WWC1: variants seen among roughly 807,000 people sequenced by gnomAD.
The protein encoded by WWC1 is protein KIBRA.
WWC1 carries 55 observed loss-of-function variants against 138.4 expected under a neutral mutation model. That is an observed-to-expected ratio of 0.40 (90% CI 0.32 to 0.50). The LOEUF (loss-of-function observed/expected upper bound fraction) is 0.50, where lower values mean the gene tolerates loss of function less well. Among genes scored for constraint, WWC1 ranks in the 20% least tolerant of loss-of-function variants. WWC1 has a pLI of 0.72. For synonymous variants in WWC1, 524 were observed against 564.9 expected (o/e 0.93, Z 1.03); for missense variants, 1,226 against 1,420.4 (o/e 0.86, Z 2.20).
At chr5:168,465,366 C>G (rs1408381940) in intron 21 of WWC1, among the ~76,000 whole-genome samples, 2 of 151,700 alleles carry the variant, frequency 1.3e-5, no homozygotes, top group Non-Finnish European at 2.9e-5. Flanking sequence ...ACAGGGCAGC[C>G]CTTGCCAAAG....
chr5:168,427,034 G>T (rs553784474), intron 11 of WWC1, among the ~76,000 whole-genome samples: 1 of 152,334 alleles, frequency 6.6e-6, no homozygotes, highest in Non-Finnish European at 1.5e-5. Context: ...CCCTGTTAAG[G>T]TTAGGGAAGA....
intron 22 of WWC1, among the ~76,000 whole-genome samples, chr5:168,468,613 A>G (rs1305504515): frequency 6.6e-6 from 1 of 152,238 alleles, no homozygotes; most frequent in African/African-American, 2.4e-5. Context: ...AACAAACATT[A>G]GAAGTGGCCC....
At chr5:168,321,763 C>T (rs1030842536) in intron 1 of WWC1, among the ~76,000 whole-genome samples, 1 of 152,176 alleles carries the variant, frequency 6.6e-6, no homozygotes, top group Non-Finnish European at 1.5e-5. Context: ...TCTCAAACTC[C>T]CGACCTCAGG....
Position 168,464,933 on chromosome 5 carries a change from C to T in WWC1, c.3121C>T (p.Arg1041Cys), listed in dbSNP as rs751965655. The T allele has an allele frequency of 1.6e-5, 26 of 1,613,956 alleles. No individual in the cohort carries two copies. Among genetic ancestry groups the T allele is most frequent in the Admixed American group, 6.7e-5 (4 of 60,004 alleles). ...PQWLREDERFRLLLRMLEKRQ... is the reference protein window; with the variant it reads ...PQWLREDERFCLLLRMLEKRQ... ...GTGGTTGCGTGAGGACGAGCGTTTC[C>T]GCCTGCTGCTGAGGATGCTGGAGAA... Residue 1041 changes from arginine to cysteine, a missense_variant, in exon 21 of 23, where the codon CGC (arginine) becomes TGC (cysteine). Physicochemically the swap from Arg to Cys is radical, Grantham distance 180. Coordinates refer to ENST00000265293, the MANE Select transcript of WWC1 (RefSeq NM_015238.3).
At chr5:168,325,503 T>C (rs1772457738) in intron 1 of WWC1, among the ~76,000 whole-genome samples, 1 of 152,082 alleles carries the variant, frequency 6.6e-6, no homozygotes, top group African/African-American at 2.4e-5. Flanking sequence ...GGGAGGGGAA[T>C]TTTTAAGCAA....
At chr5:168,408,770 G>A in intron 7 of WWC1, 117 bp downstream of exon 7, 1 of 1,408,674 alleles carries the variant, frequency 7.1e-7, no homozygotes, top group African/African-American at 1.4e-5. Flanking sequence ...GTTCTCTGCA[G>A]GGCTGGCTGC....
At chr5:168,325,402 G>A (rs1466089818) in intron 1 of WWC1, among the ~76,000 whole-genome samples, 1 of 152,200 alleles carries the variant, frequency 6.6e-6, no homozygotes, top group Non-Finnish European at 1.5e-5. Flanking sequence ...GGTGTCCTAG[G>A]ACACAGGAGA....
At chr5:168,453,931 CT>C (rs1582360922) in intron 17 of WWC1, 36 bp from the exon 18 acceptor site, 7 of 1,610,152 alleles carry the variant, frequency 4.3e-6, no homozygotes, top group Non-Finnish European at 5.9e-6. Context: ...GGCAGAGCGG[CT>C]TCTGGGTGGG....
chr5:168,440,910 CAACAG>C, intron 15 of WWC1, among the ~76,000 whole-genome samples: 1 of 152,174 alleles, frequency 6.6e-6, no homozygotes, highest in East Asian at 1.9e-4. Context: ...AAATGTCCAT[CAACAG>C]ATGGCTGGAT....
At chr5:168,354,347 G>A (rs1490297148) in intron 1 of WWC1, among the ~76,000 whole-genome samples, 7 of 151,896 alleles carry the variant, frequency 4.6e-5, no homozygotes, top group South Asian at 2.1e-4. Flanking sequence ...CACCGCACCC[G>A]GCCTGAGTGC....
chr5:168,376,426 C>T (rs1777172422), intron 2 of WWC1, among the ~76,000 whole-genome samples: 1 of 152,042 alleles, frequency 6.6e-6, no homozygotes, highest in Non-Finnish European at 1.5e-5. Context: ...AAGTCCTAGC[C>T]AGAGCAATCA....
At chr5:168,379,503 G>A (rs1212987830) in intron 2 of WWC1, among the ~76,000 whole-genome samples, 4 of 152,186 alleles carry the variant, frequency 2.6e-5, no homozygotes, top group Middle Eastern at 3.4e-3. Flanking sequence ...GGGTTCAAGC[G>A]ATTCTCCTGC....
At position 168,464,722 on chromosome 5, in the gene WWC1, C is replaced by G. The variant is rs769524034; in HGVS notation, c.2917-7C>G. 1 of 1,614,166 alleles carries G rather than the reference C, an allele frequency of 6.2e-7. No individual in the cohort carries two copies. The highest frequency in any genetic ancestry group is 1.7e-5 in the Admixed American group (1 of 60,026). On this transcript the variant is annotated splice_region_variant and splice_polypyrimidine_tract_variant and intron_variant, in intron 20 of 22. Transcript: ENST00000265293. ...AATAACAAGAGAAGCCGTCCCCACC[C>G]CCACAGCCTTCCTCGGTCAAGTCGC... is the stretch of plus-strand genomic sequence containing the variant.
At chr5:168,352,150 TGA>T (rs1775017704) in intron 1 of WWC1, among the ~76,000 whole-genome samples, 3 of 152,210 alleles carry the variant, frequency 2.0e-5, no homozygotes, top group Admixed American at 2.0e-4. Context: ...GCACGAGTCT[TGA>T]ATACTGTCCA....
chr5:168,425,844 G>A (rs1452041822), intron 11 of WWC1, among the ~76,000 whole-genome samples: 1 of 152,124 alleles, frequency 6.6e-6, no homozygotes, highest in Non-Finnish European at 1.5e-5. Context: ...GCACAGTGAG[G>A]TTAAAAGACT....
chr5:168,448,228 GGCC>G (rs1289719198), intron 17 of WWC1, among the ~76,000 whole-genome samples: 1 of 152,144 alleles, frequency 6.6e-6, no homozygotes, highest in African/African-American at 2.4e-5. Context: ...GATGTTAACT[GGCC>G]TTGCCATGCC....
chr5:168,441,308 G>C (rs1754736084), intron 15 of WWC1, among the ~76,000 whole-genome samples: 1 of 152,200 alleles, frequency 6.6e-6, no homozygotes, highest in African/African-American at 2.4e-5. Flanking sequence ...TAGAGTTTCA[G>C]ATTTGCAAGA....
intron 3 of WWC1, among the ~76,000 whole-genome samples, chr5:168,392,960 C>T (rs1166976555): frequency 6.6e-6 from 1 of 151,684 alleles, no homozygotes; most frequent in Non-Finnish European, 1.5e-5. Flanking sequence ...GAACACGGTA[C>T]TACATTGTTT....
At chr5:168,413,996 CT>C (rs2152843216) in intron 8 of WWC1, 1 of 242,406 alleles carries the variant, frequency 4.1e-6, no homozygotes, top group East Asian at 9.7e-5. Flanking sequence ...GAGGAAAGAG[CT>C]TTTGTTATTC....
Sources: allele counts gnomAD v4.1 joint callset (sites outside exome capture counted in the v4.1 genomes callset), GRCh38; gene constraint gnomAD v4.1.1; transcripts MANE v1.5; gene names NCBI Gene and HGNC (gene_info 2026-07-23, HGNC 2026-07-21).